DSTYK: variants seen among roughly 807,000 people sequenced by gnomAD.
DSTYK encodes RIP-homologous kinase.
In DSTYK, 34 loss-of-function variants were observed where a neutral mutation model predicts 98.7. That is an observed-to-expected ratio of 0.34 (90% CI 0.26 to 0.46). DSTYK has a LOEUF of 0.46. DSTYK is among the 20% of genes least tolerant of loss of function. The pLI is 1.00. For synonymous variants in DSTYK, 462 were observed against 457.3 expected, an observed-to-expected ratio of 1.01 and a Z score of -0.13; for missense variants, 962 against 1,181.7, an observed-to-expected ratio of 0.81 and a Z score of 2.73.
rs377331342 is a variant in DSTYK at position 205,203,349 on chromosome 1, G to C, written c.265+7922C>G. 1.2e-4 allele frequency among the ~76,000 whole-genome samples: 18 copies of C among 149,774 alleles called. No individual in the cohort carries two copies. In the East Asian group the frequency reaches 3.3e-3, roughly 28 times the overall value. On this transcript the variant is annotated intron_variant, in intron 1 of 12. Coordinates refer to ENST00000367162, the MANE Select transcript of DSTYK (RefSeq NM_015375.3). ...AAAAAAAAATAGCCAGGTGTGGTTC[G>C]CGCGTGCCTGCAGTCCCAGCTACTT...
rs759702222 is a variant in DSTYK, at chr1:205,169,515, G to T, written c.972C>A (p.Gly324=). The T allele has an allele frequency of 1.5e-5, 25 of 1,613,980 alleles. No individual in the cohort carries two copies. In the Admixed American group the frequency reaches 2.3e-4, roughly 15 times the overall value. The change falls in exon 3 of 13, where the codon GGC becomes GGA. Residue 324 remains glycine (G), a synonymous_variant. Transcript: ENST00000367162. This position sits in a 1 kb window ranked among gnomAD's most constrained non-coding sequence, Gnocchi z 4.0. ...ACATGCTCTGAGCTTTAGTATCCTGGCCAGGAGCCCCACAGTTCCAGTGAC... is the reference window on the plus strand; with the variant it reads ...ACATGCTCTGAGCTTTAGTATCCTGTCCAGGAGCCCCACAGTTCCAGTGAC... The part of the protein sequence containing the change: ...SSSHWNCGAP[G]QDTKAQSMLV...
chr1:205,178,860 C>T, intron 2 of DSTYK, among the ~76,000 whole-genome samples: 1 of 152,140 alleles, frequency 6.6e-6, no homozygotes, highest in East Asian at 1.9e-4. Flanking sequence ...ATAGGCCGGG[C>T]ACACTGACTC....
At chr1:205,203,311 C>T (rs143910422) in intron 1 of DSTYK, among the ~76,000 whole-genome samples, 3,207 of 147,566 alleles carry the variant, frequency 0.022, 75 homozygotes, top group Middle Eastern at 0.035. Flanking sequence ...GGTGAAACCC[C>T]GTCTCTACCA....
chr1:205,170,712 T>C (rs977719065), intron 2 of DSTYK, among the ~76,000 whole-genome samples: 6 of 152,160 alleles, frequency 3.9e-5, no homozygotes, highest in African/African-American at 7.2e-5. Context: ...CTAGTCTCCA[T>C]GTTATAAGTG....
At chr1:205,202,413 C>A in intron 1 of DSTYK, 1 of 743,126 alleles carries the variant, frequency 1.3e-6, no homozygotes, top group Non-Finnish European at 2.5e-6. Flanking sequence ...CCAGGCCAAG[C>A]AGTGGGGCTG....
intron 2 of DSTYK, among the ~76,000 whole-genome samples, chr1:205,181,653 G>GGGGTGTGTGTGTGTGTGTGT (rs758360038): frequency 2.4e-5 from 2 of 83,962 alleles, no homozygotes; most frequent in East Asian, 5.1e-4. Context: ...CAGATGTTGG[G>GGGGTGTGTGTGTGTGTGTGT]GTTTGTGTGT....
intron 10 of DSTYK, among the ~76,000 whole-genome samples, chr1:205,156,900 G>A (rs1391447305): frequency 6.6e-6 from 1 of 152,188 alleles, no homozygotes; most frequent in Non-Finnish European, 1.5e-5. Context: ...TAATCATGGG[G>A]ACAGTCACCC....
At chr1:205,206,369 T>C (rs1476000779) in intron 1 of DSTYK, among the ~76,000 whole-genome samples, 2 of 150,808 alleles carry the variant, frequency 1.3e-5, no homozygotes, top group African/African-American at 4.9e-5. Flanking sequence ...AACCTCCGCC[T>C]CCCGGGTTCA....
At chr1:205,159,511 G>A in intron 9 of DSTYK, 36 bp downstream of exon 9, 1 of 1,590,612 alleles carries the variant, frequency 6.3e-7, no homozygotes, top group Non-Finnish European at 8.6e-7. Flanking sequence ...GGAACCCGTG[G>A]ATTTGGCTGC....
At chr1:205,158,306 T>C (rs1235076226) in intron 9 of DSTYK, among the ~76,000 whole-genome samples, 1 of 152,172 alleles carries the variant, frequency 6.6e-6, no homozygotes, top group Non-Finnish European at 1.5e-5. Flanking sequence ...TCTGCCCTAC[T>C]TCTGGAAGCC....
intron 2 of DSTYK, among the ~76,000 whole-genome samples, chr1:205,177,334 A>G (rs926752678): frequency 2.6e-5 from 4 of 152,288 alleles, no homozygotes; most frequent in Non-Finnish European, 5.9e-5. Flanking sequence ...ACAACTATAT[A>G]TTAGTAATTG....
At chr1:205,151,980 AAGTAT>A (rs1289254120) in intron 10 of DSTYK, among the ~76,000 whole-genome samples, 1 of 152,212 alleles carries the variant, frequency 6.6e-6, no homozygotes, top group African/African-American at 2.4e-5. Context: ...AAAAGATAAA[AAGTAT>A]AGTACAGTAA....
chr1:205,167,855 G>A (rs1286037208), intron 3 of DSTYK, among the ~76,000 whole-genome samples: 2 of 152,158 alleles, frequency 1.3e-5, no homozygotes, highest in South Asian at 2.1e-4. Context: ...GGTGGCTCAC[G>A]CCACCCAGCA....
chr1:205,176,630 C>T (rs2102427809), intron 2 of DSTYK, among the ~76,000 whole-genome samples: 1 of 150,102 alleles, frequency 6.7e-6, no homozygotes, highest in Non-Finnish European at 1.5e-5. Context: ...TTTGTAGAGA[C>T]AAAATCTCAC....
intron 2 of DSTYK, among the ~76,000 whole-genome samples, chr1:205,173,559 A>G (rs543377163): frequency 2.7e-4 from 41 of 152,324 alleles, no homozygotes; most frequent in African/African-American, 8.7e-4. Context: ...ATTCAAAACC[A>G]AAGTATTGTT....
chr1:205,174,134 T>C (rs1333116928), intron 2 of DSTYK, among the ~76,000 whole-genome samples: 2 of 152,088 alleles, frequency 1.3e-5, no homozygotes, highest in African/African-American at 4.8e-5. Flanking sequence ...ATCCCAGCAC[T>C]CTGGGAGGTT....
intron 2 of DSTYK, among the ~76,000 whole-genome samples, chr1:205,181,695 T>TGTGTGC (rs1658409438): frequency 6.8e-6 from 1 of 146,836 alleles, no homozygotes; most frequent in Non-Finnish European, 1.5e-5. Flanking sequence ...TGTGTGTGTG[T>TGTGTGC]GTGGCGGGGC....
intron 9 of DSTYK, 40 bp from the exon 10 acceptor site, chr1:205,157,426 A>G (rs770787598): frequency 5.9e-5 from 90 of 1,530,000 alleles, no homozygotes; most frequent in Middle Eastern, 5.1e-4. Context: ...TGATAAGGCA[A>G]CTCCTCAATT....
rs373307614 is a variant in DSTYK at position 205,159,588 on chromosome 1, T to C, written c.2197A>G (p.Ile733Val). Residue 733 changes from isoleucine to valine, a missense_variant, in exon 9 of 13, where the codon ATT becomes GTT. This residue lies in a region of DSTYK where 660 missense variants were observed against 855.0 expected (regional missense o/e 0.77). Coordinates refer to ENST00000367162, the MANE Select transcript of DSTYK (RefSeq NM_015375.3). ...AGATCCCGGTGTAGCCGCTCCATAA[T>C]GAGGAGCACAGCAATGCTGGAGCCA... ...GGGSSIAVLL[I>V]MERLHRDLYT... is the part of the protein sequence containing the mutation. The C allele has an allele frequency of 1.9e-4, 289 of 1,554,138 alleles. No homozygotes were observed. Among genetic ancestry groups the C allele is most frequent in the Non-Finnish European group, 2.4e-4 (281 of 1,148,030 alleles).
Sources: allele counts gnomAD v4.1 joint callset (sites outside exome capture counted in the v4.1 genomes callset), GRCh38; gene constraint gnomAD v4.1.1; regional missense constraint gnomAD v4.1.1; non-coding constraint Gnocchi (gnomAD v3.1); transcripts MANE v1.5; gene names NCBI Gene and HGNC (gene_info 2026-07-23, HGNC 2026-07-21).